FBXO42: variants seen among roughly 807,000 people sequenced by gnomAD.
FBXO42 encodes the protein F-box protein 42, also known as F-box only protein 42.
A neutral mutation model predicts 71.7 loss-of-function variants in FBXO42; 12 were observed. The ratio of observed to expected loss-of-function variants is 0.17; its 90% confidence interval spans 0.11 to 0.27. The LOEUF is 0.27. Among genes scored for constraint, FBXO42 ranks in the 10% least tolerant of loss-of-function variants. The pLI, the probability that FBXO42 is intolerant of heterozygous loss-of-function variation, is 1.00. For missense variants in FBXO42, 707 were observed against 911.9 expected, an observed-to-expected ratio of 0.78 and a Z score of 2.89; for synonymous variants, 325 against 327.5, an observed-to-expected ratio of 0.99 and a Z score of 0.08.
At chr1:16,281,768 T>TGCCTCA (rs985068248) in intron 4 of FBXO42, among the ~76,000 whole-genome samples, 1 of 151,854 alleles carries the variant, frequency 6.6e-6, no homozygotes, top group Non-Finnish European at 1.5e-5. Flanking sequence ...GCGATTCTCC[T>TGCCTCA]GCCTCAGCCT....
At chr1:16,306,536 A>G (rs775743618) in intron 2 of FBXO42, among the ~76,000 whole-genome samples, 4 of 152,158 alleles carry the variant, frequency 2.6e-5, no homozygotes, top group African/African-American at 4.8e-5. Flanking sequence ...ATTTACTCCA[A>G]AGCAAAGGTG....
intron 4 of FBXO42, among the ~76,000 whole-genome samples, chr1:16,286,690 G>C (rs1557585167): frequency 6.6e-6 from 1 of 152,090 alleles, no homozygotes; most frequent in Non-Finnish European, 1.5e-5. Context: ...TCTCCACCTG[G>C]ATGTCCTAAT....
chr1:16,282,701 C>T (rs1006648849), intron 4 of FBXO42, among the ~76,000 whole-genome samples: 2 of 151,940 alleles, frequency 1.3e-5, no homozygotes, highest in African/African-American at 4.8e-5. Context: ...TGCTGATCGG[C>T]TGAGTGCAGT....
At chr1:16,256,968 T>C (rs1334599069) in intron 4 of FBXO42, among the ~76,000 whole-genome samples, 2 of 152,204 alleles carry the variant, frequency 1.3e-5, no homozygotes, top group East Asian at 1.9e-4. Flanking sequence ...CAGAGAAATA[T>C]GAGTTAGAGA....
intron 4 of FBXO42, among the ~76,000 whole-genome samples, chr1:16,270,030 A>AT (rs2081822733): frequency 6.6e-6 from 1 of 151,762 alleles, no homozygotes; most frequent in South Asian, 2.1e-4. Flanking sequence ...AATTTTTTGT[A>AT]TTTTTGGTAT....
At chr1:16,269,119 T>G (rs1339181364) in intron 4 of FBXO42, among the ~76,000 whole-genome samples, 3 of 149,610 alleles carry the variant, frequency 2.0e-5, no homozygotes, top group Non-Finnish European at 4.4e-5. Flanking sequence ...TTTTTTTTTT[T>G]TGTGACAGAG....
intron 2 of FBXO42, among the ~76,000 whole-genome samples, chr1:16,310,052 G>A (rs556378751): frequency 6.6e-5 from 10 of 152,050 alleles, no homozygotes; most frequent in East Asian, 3.9e-4. Flanking sequence ...AAAATTAGCC[G>A]GGTGTGGTGG....
At chr1:16,312,603 C>T (rs1186510080) in intron 2 of FBXO42, among the ~76,000 whole-genome samples, 1 of 152,028 alleles carries the variant, frequency 6.6e-6, no homozygotes, top group Non-Finnish European at 1.5e-5. Flanking sequence ...TGTCATTATA[C>T]ATTCATCCAA....
rs1483887050 is a variant in FBXO42 at position 16,323,413 on chromosome 1, G to A, written c.-17-7978C>T. 5.3e-5 allele frequency among the ~76,000 whole-genome samples: 8 copies of A among 151,976 alleles called. No individual in the cohort carries two copies. In the East Asian group the frequency reaches 7.7e-4, roughly 15 times the overall value. On this transcript the variant is annotated intron_variant, in intron 1 of 9. Transcript: ENST00000375592. Reference sequence around the variant, plus strand: ...AGCCCAGGTGACAGTGCGAGACTCCGTCTCAAAAACAAACAAACAAACAAA... The same window carrying A: ...AGCCCAGGTGACAGTGCGAGACTCCATCTCAAAAACAAACAAACAAACAAA...
rs201506524 is a variant in FBXO42 at position 16,301,690 on chromosome 1, A to C, written c.367+4113T>G. ...CATCTCAAAAAAAAAAAAACAACAA[A>C]AAAAAAAGAAACGGTACAAGAATGT... On this transcript the variant is annotated intron_variant, in intron 3 of 9. Transcript: ENST00000375592. 3.9e-3 allele frequency among the ~76,000 whole-genome samples: 597 copies of C among 151,150 alleles called. 5 individuals carry two copies. The highest frequency in any genetic ancestry group is 9.8e-3 in the South Asian group (47 of 4,794).
intron 4 of FBXO42, among the ~76,000 whole-genome samples, chr1:16,257,750 G>A (rs1423013736): frequency 6.6e-6 from 1 of 151,950 alleles, no homozygotes; most frequent in African/African-American, 2.4e-5. Context: ...ATGCAATCTC[G>A]GCTCACTGCA....
chr1:16,316,869 C>T (rs955208312), intron 1 of FBXO42, among the ~76,000 whole-genome samples: 44 of 151,168 alleles, frequency 2.9e-4, no homozygotes, highest in African/African-American at 1.1e-3. Context: ...ACTAGAACAA[C>T]ATGAATGTCT....
intron 1 of FBXO42, among the ~76,000 whole-genome samples, chr1:16,327,338 T>C (rs937414246): frequency 6.6e-6 from 1 of 152,192 alleles, no homozygotes; most frequent in African/African-American, 2.4e-5. Context: ...GAGCATAAAA[T>C]GTATTTTTCT....
chr1:16,283,941 C>T (rs150412464), intron 4 of FBXO42, among the ~76,000 whole-genome samples: 2 of 152,010 alleles, frequency 1.3e-5, no homozygotes, highest in East Asian at 3.9e-4. Flanking sequence ...TTAAAGTAAC[C>T]GAAAAAGGCA....
chr1:16,345,237 C>T (rs1024617795), intron 1 of FBXO42, among the ~76,000 whole-genome samples: 4 of 150,752 alleles, frequency 2.7e-5, no homozygotes, highest in Non-Finnish European at 4.4e-5. Context: ...GCCTGGCCAA[C>T]ATGGTGATAC....
intron 4 of FBXO42, among the ~76,000 whole-genome samples, chr1:16,271,258 GGTGTGTGT>G (rs57827739): frequency 0.058 from 8,024 of 137,428 alleles, 273 homozygotes; most frequent in South Asian, 0.079. Context: ...TGTGTGTGTT[GGTGTGTGT>G]GTGTGTGTGT....
At chr1:16,346,549 G>A (rs983088439) in intron 1 of FBXO42, among the ~76,000 whole-genome samples, 12 of 151,750 alleles carry the variant, frequency 7.9e-5, no homozygotes, top group Middle Eastern at 3.4e-3. Context: ...TTAGCTGGGC[G>A]TGGTGGTGGG....
chr1:16,251,438 G>A lies in FBXO42; in HGVS notation c.1386C>T (p.Ala462=). The change falls in exon 10 of 10, where the codon GCC becomes GCT. Residue 462 remains alanine (A), a synonymous_variant. Coordinates refer to ENST00000375592, the MANE Select transcript of FBXO42 (RefSeq NM_018994.3). The surrounding 1 kb of genome is among the most constrained non-coding windows in gnomAD (Gnocchi z 4.5). ...GGSSLDSPVQ[A]ISPSTPSAPE... ...GAGCAGATGGAGTACTTGGAGATAT[G>A]GCCTGTACAGGACTGTCCAAAGAAG... is the stretch of plus-strand genomic sequence containing the variant. 6.2e-7 allele frequency: 1 copy of A among 1,614,118 alleles called. No homozygotes were observed. Among genetic ancestry groups the A allele is most frequent in the Non-Finnish European group, 8.5e-7 (1 of 1,180,004 alleles).
At chr1:16,302,889 A>G (rs979168118) in intron 3 of FBXO42, among the ~76,000 whole-genome samples, 19 of 152,142 alleles carry the variant, frequency 1.2e-4, no homozygotes, top group Non-Finnish European at 2.9e-5. Flanking sequence ...AACCGCCCCC[A>G]TGATCCAGTC....
Sources: allele counts gnomAD v4.1 joint callset (sites outside exome capture counted in the v4.1 genomes callset), GRCh38; gene constraint gnomAD v4.1.1; non-coding constraint Gnocchi (gnomAD v3.1); transcripts MANE v1.5; gene names NCBI Gene and HGNC (gene_info 2026-07-23, HGNC 2026-07-21).